PLXNA1: variants seen among roughly 807,000 people sequenced by gnomAD.
PLXNA1 encodes plexin-A1.
In PLXNA1, 77 loss-of-function variants were observed where a neutral mutation model predicts 191.7. That is an observed-to-expected ratio of 0.40 (90% CI 0.33 to 0.49). The LOEUF is 0.49. Among genes scored for constraint, PLXNA1 ranks in the 20% least tolerant of loss-of-function variants. The pLI is 0.63. For missense variants in PLXNA1, 2,110 were observed against 2,660.2 expected, an observed-to-expected ratio of 0.79 and a Z score of 4.55; for synonymous variants, 1,137 against 1,156.4, an observed-to-expected ratio of 0.98 and a Z score of 0.34.
In PLXNA1 at chr3:126,983,214, G is replaced by T. The variant is rs868139290; in HGVS notation, c.-147G>T. On this transcript the variant is annotated 5_prime_UTR_variant, in exon 1 of 32. Coordinates refer to ENST00000393409, the MANE Select transcript of PLXNA1 (RefSeq NM_032242.4). ...ACGCGGCTTCGGCGGCCCCGCGGCG[G>T]GGCGGACGGCGGCGGCGGCGCGGGC... is the stretch of plus-strand genomic sequence containing the variant. Among the ~76,000 whole-genome samples, 8 of 144,014 alleles carry T rather than the reference G, an allele frequency of 5.6e-5. No homozygotes were observed. Among genetic ancestry groups the T allele is most frequent in the Middle Eastern group, 3.7e-3 (1 of 270 alleles). The allele number at this position is 144,014 out of a possible 152,430, so 94.5% of individuals were successfully genotyped here.
intron 4 of PLXNA1, among the ~76,000 whole-genome samples, chr3:127,004,114 C>T (rs1268407997): frequency 6.6e-6 from 1 of 152,250 alleles, no homozygotes; most frequent in East Asian, 1.9e-4. Flanking sequence ...TTTTCCTCTG[C>T]CCCTCCTGGG....
intron 23 of PLXNA1, among the ~76,000 whole-genome samples, chr3:127,024,003 A>G (rs926889810): frequency 1.3e-5 from 2 of 152,190 alleles, no homozygotes. Flanking sequence ...TGCCCAGTAG[A>G]TGATAACATC....
chr3:127,029,481 G>T lies in PLXNA1; in HGVS notation c.4815G>T (p.Thr1605=). 1 of 1,613,928 alleles carries T rather than the reference G, an allele frequency of 6.2e-7. No individual in the cohort carries two copies. The highest frequency in any genetic ancestry group is 1.3e-5 in the African/African-American group (1 of 75,044). ...GSSVALVPKQ[T]SAYNISNSST... is the part of the protein sequence containing the mutation. The stretch of plus-strand genomic sequence containing the variant: ...CGGTGGCACTGGTGCCCAAGCAGAC[G>T]TCCGCCTACAACATCTCCAACTCCT... Residue 1605 remains threonine, a synonymous_variant, in exon 27 of 32, where the codon ACG becomes ACT. Transcript: ENST00000393409.
intron 21 of PLXNA1, among the ~76,000 whole-genome samples, chr3:127,021,812 T>G (rs1175638690): frequency 6.6e-6 from 1 of 152,176 alleles, no homozygotes; most frequent in East Asian, 1.9e-4. Context: ...CAGGGGCTTC[T>G]CAGGCTGCCA....
At position 127,030,237 on chromosome 3, in the gene PLXNA1, C is replaced by T. The variant is rs1387375306; in HGVS notation, c.5062-6C>T. On this transcript the variant is annotated splice_polypyrimidine_tract_variant and splice_region_variant and intron_variant, in intron 28 of 31. Transcript: ENST00000393409. ...GGGGCTCAGTGTCCCTGCCTGCCCC[C>T]CGCAGGGCACACTGCAGAAGTTTGT... The T allele has an allele frequency of 9.3e-6, 15 of 1,612,844 alleles. No homozygotes were observed. The East Asian group carries it at 3.3e-4, about 36-fold the overall frequency.
At chr3:126,986,052 T>TA (rs2078957747) in intron 1 of PLXNA1, among the ~76,000 whole-genome samples, 1 of 152,206 alleles carries the variant, frequency 6.6e-6, no homozygotes, top group South Asian at 2.1e-4. Context: ...GGTGGCTTCT[T>TA]AGCCTGGTCC....
At chr3:126,999,307 T>C (rs930638434) in intron 3 of PLXNA1, among the ~76,000 whole-genome samples, 1 of 152,198 alleles carries the variant, frequency 6.6e-6, no homozygotes, top group South Asian at 2.1e-4. Context: ...TGTGGGCACC[T>C]CCTTAGCTGC....
intron 3 of PLXNA1, among the ~76,000 whole-genome samples, chr3:126,999,010 G>A (rs1465705360): frequency 1.3e-5 from 2 of 152,196 alleles, no homozygotes; most frequent in East Asian, 3.8e-4. Context: ...TGAGAGTGGT[G>A]GGGACCCAGG....
At chr3:126,991,260 C>A in intron 2 of PLXNA1, 124 bp from the exon 3 acceptor site, 2 of 1,021,864 alleles carry the variant, frequency 2.0e-6, no homozygotes, top group Non-Finnish European at 1.4e-6. Flanking sequence ...GTCTGCACCT[C>A]TCCTCTGGGG....
At position 127,014,532 on chromosome 3, in the gene PLXNA1, G is replaced by A. The variant is rs750386298; in HGVS notation, c.2659G>A (p.Glu887Lys). The A allele has an allele frequency of 1.7e-5, 27 of 1,610,470 alleles. No individual in the cohort carries two copies. The highest frequency in any genetic ancestry group is 1.6e-4 in the Middle Eastern group (1 of 6,084). The change falls in exon 13 of 32, where the codon GAG (glutamate) becomes AAG (lysine). Residue 887 changes from glutamate to lysine, a missense_variant. Coordinates refer to ENST00000393409, the MANE Select transcript of PLXNA1 (RefSeq NM_032242.4). ...CGGCACGCGGCTCACTATCACAGGCGAGAACCTGGGCCTGCGATTCGAAGA... is the reference window on the plus strand; with the variant it reads ...CGGCACGCGGCTCACTATCACAGGCAAGAACCTGGGCCTGCGATTCGAAGA... ...QGGTRLTITG[E>K]NLGLRFEDVR...
rs1353466774 is a variant in PLXNA1, at chr3:126,991,576, G to C, written c.1377+10G>C. The C allele has an allele frequency of 1.3e-6, 2 of 1,548,654 alleles. No homozygotes were observed. The highest frequency in any genetic ancestry group is 2.7e-5 in the African/African-American group (2 of 73,428). On this transcript the variant is annotated intron_variant, in intron 3 of 31. Coordinates refer to ENST00000393409, the MANE Select transcript of PLXNA1 (RefSeq NM_032242.4). ...TGGCCGCATCCGCAAGGTCAGGCCT[G>C]GGTGGGGTGGGGTGAGGAGGGGGCT...
Position 127,012,113 on chromosome 3 carries a change from C to T in PLXNA1, c.2268C>T (p.Thr756=), listed in dbSNP as rs376206065. The change falls in exon 10 of 32, where the codon ACC becomes ACT. Residue 756 remains threonine (T), a synonymous_variant. Coordinates refer to ENST00000393409, the MANE Select transcript of PLXNA1 (RefSeq NM_032242.4). ...TCCCGGGCAGCCCGGCCCGTGTCACCGCCCTGCGCTTCAACAGCTCCAGCC... is the reference window on the plus strand; with the variant it reads ...TCCCGGGCAGCCCGGCCCGTGTCACTGCCCTGCGCTTCAACAGCTCCAGCC... ...FHIPGSPARV[T]ALRFNSSSLQ... is the part of the protein sequence containing the mutation. 6.3e-5 allele frequency: 101 copies of T among 1,613,192 alleles called. No homozygotes were observed. The highest frequency in any genetic ancestry group is 2.0e-4 in the Admixed American group (12 of 60,008).
chr3:127,027,166 C>A (rs2079180426), intron 23 of PLXNA1: 1 of 192,244 alleles, frequency 5.2e-6, no homozygotes, highest in Non-Finnish European at 1.1e-5. Context: ...TCCACAAGGG[C>A]CCATGAAGAT....
At position 127,030,129 on chromosome 3, in the gene PLXNA1, G is replaced by T; in HGVS notation, c.5061+65G>T. ...CAACTGAGCTCAGAGAAAGTGCCAA[G>T]CCCAGAGCAAGGGCCTCACCCCCAT... On this transcript the variant is annotated intron_variant, in intron 28 of 31. Coordinates refer to ENST00000393409, the MANE Select transcript of PLXNA1 (RefSeq NM_032242.4). The T allele has an allele frequency of 1.1e-5, 18 of 1,593,844 alleles. No individual in the cohort carries two copies. The South Asian group carries it at 1.8e-4, about 16-fold the overall frequency.
rs1181374957 is a variant in PLXNA1 at position 127,022,167 on chromosome 3, C to T, written c.4121C>T (p.Thr1374Met). 28 of 1,613,300 alleles carry T rather than the reference C, an allele frequency of 1.7e-5. No individual in the cohort carries two copies. Among genetic ancestry groups the T allele is most frequent in the Middle Eastern group, 1.6e-4 (1 of 6,084 alleles). The change falls in exon 22 of 32, where the codon ACG (threonine) becomes ATG (methionine). Residue 1374 changes from threonine to methionine, a missense_variant. Thr to Met is a moderately conservative substitution (Grantham distance 81). Transcript: ENST00000393409. Reference sequence around the variant, plus strand: ...CACTTCCTGCTGACCTTCATCCGCACGCTGGAGGCACAGCGCAGCTTCTCC... The same window carrying T: ...CACTTCCTGCTGACCTTCATCCGCATGCTGGAGGCACAGCGCAGCTTCTCC... Reference protein sequence around the residue: ...KKHFLLTFIRTLEAQRSFSMR... With the variant: ...KKHFLLTFIRMLEAQRSFSMR...
In PLXNA1 at chr3:127,022,186, C is replaced by T; in HGVS notation, c.4140C>T (p.Ser1380=). The T allele has an allele frequency of 6.2e-7, 1 of 1,613,430 alleles. No homozygotes were observed. Among genetic ancestry groups the T allele is most frequent in the East Asian group, 2.2e-5 (1 of 44,874 alleles). The change falls in exon 22 of 32, where the codon AGC becomes AGT. Residue 1380 remains serine, a synonymous_variant. Transcript: ENST00000393409. ...TFIRTLEAQR[S]FSMRDRGNVA... is the part of the protein sequence containing the mutation. ...TCCGCACGCTGGAGGCACAGCGCAG[C>T]TTCTCCATGCGCGACCGCGGGAATG...
chr3:127,031,701 G>A (rs1053705446), intron 29 of PLXNA1, among the ~76,000 whole-genome samples: 1 of 152,202 alleles, frequency 6.6e-6, no homozygotes, highest in Non-Finnish European at 1.5e-5. Flanking sequence ...GAAGTGTCAC[G>A]AAGCCCCTCT....
intron 29 of PLXNA1, among the ~76,000 whole-genome samples, chr3:127,031,663 C>T (rs915993329): frequency 6.6e-6 from 1 of 152,230 alleles, no homozygotes; most frequent in Non-Finnish European, 1.5e-5. Flanking sequence ...CAGCTCCGCC[C>T]ACTGCTCGCG....
chr3:127,022,974 C>A (rs1052717303), intron 23 of PLXNA1, among the ~76,000 whole-genome samples, 156 bp downstream of exon 23: 6 of 152,218 alleles, frequency 3.9e-5, no homozygotes, highest in Non-Finnish European at 5.9e-5. Context: ...GGCATGCAGC[C>A]GCTCTCAGCT....
Sources: gnomAD v4.1 joint callset for allele counts (sites outside exome capture counted in the v4.1 genomes callset) on GRCh38, gnomAD v4.1.1 for gene constraint, MANE v1.5 for transcripts, NCBI Gene and HGNC (gene_info 2026-07-23, HGNC 2026-07-21) for gene names.